ABCA13: variants seen among roughly 807,000 people sequenced by gnomAD.
ABCA13 encodes ATP-binding cassette sub-family A member 13.
ABCA13 carries 476 observed loss-of-function variants against 478.7 expected under a neutral mutation model. That is an observed-to-expected ratio of 0.99 (90% CI 0.92 to 1.07). ABCA13 has a LOEUF of 1.07. Ranked by LOEUF, ABCA13 falls within the 50% of genes least tolerant of loss-of-function variation. ABCA13 has a pLI of 0.00. For missense variants in ABCA13, 6,060 were observed against 5,910.6 expected (o/e 1.03, Z -0.83); for synonymous variants, 2,252 against 2,158.9 (o/e 1.04, Z -1.20).
intron 58 of ABCA13, among the ~76,000 whole-genome samples, chr7:48,607,164 G>A (rs1791557660): frequency 6.6e-6 from 1 of 152,184 alleles, no homozygotes; most frequent in Non-Finnish European, 1.5e-5. Flanking sequence ...GACCCGCTGA[G>A]CCAGGTGCCA....
intron 55 of ABCA13, among the ~76,000 whole-genome samples, chr7:48,559,483 T>C (rs879755511): frequency 6.6e-5 from 10 of 152,162 alleles, no homozygotes; most frequent in Non-Finnish European, 1.3e-4. Context: ...GCTTGGACTC[T>C]GATACCCTAA....
Position 48,275,548 on chromosome 7 carries a change from A to T in ABCA13, c.5882A>T (p.Asn1961Ile). 5.0e-6 allele frequency: 8 copies of T among 1,613,810 alleles called. No individual in the cohort carries two copies. The highest frequency in any genetic ancestry group is 6.8e-6 in the Non-Finnish European group (8 of 1,179,840). ...TTGCAAATCATAGAAAAACTTAAAA[A>T]TGTCAACTTTACAAAAGTTACATCA... ...VALQIIEKLK[N>I]VNFTKVTSGE... Residue 1961 changes from asparagine to isoleucine, a missense_variant, in exon 17 of 62, where the codon AAT becomes ATT. Coordinates refer to ENST00000435803, the MANE Select transcript of ABCA13 (RefSeq NM_152701.5).
At chr7:48,485,433 A>C (rs1829196532) in intron 47 of ABCA13, among the ~76,000 whole-genome samples, 1 of 152,176 alleles carries the variant, frequency 6.6e-6, no homozygotes, top group Non-Finnish European at 1.5e-5. Flanking sequence ...AGTTTTAGAA[A>C]ACCATTCTTG....
At chr7:48,467,266 C>T (rs547304713) in intron 44 of ABCA13, among the ~76,000 whole-genome samples, 36 of 152,222 alleles carry the variant, frequency 2.4e-4, no homozygotes, top group South Asian at 1.0e-3. Context: ...TTTCTCCCTT[C>T]GTACATGCAT....
intron 29 of ABCA13, among the ~76,000 whole-genome samples, chr7:48,349,682 C>A (rs1458906075): frequency 2.6e-5 from 4 of 152,170 alleles, no homozygotes; most frequent in African/African-American, 7.2e-5. Flanking sequence ...GCATGAGAGG[C>A]AGAGGCAGCT....
intron 56 of ABCA13, among the ~76,000 whole-genome samples, chr7:48,583,657 T>C (rs144699220): frequency 2.2e-3 from 338 of 152,334 alleles, no homozygotes; most frequent in Non-Finnish European, 3.6e-3. Flanking sequence ...GCCTGAAGTA[T>C]GGTACAATTT....
At chr7:48,228,595 A>G (rs1049320775) in intron 6 of ABCA13, among the ~76,000 whole-genome samples, 3 of 152,052 alleles carry the variant, frequency 2.0e-5, no homozygotes, top group Admixed American at 6.5e-5. Flanking sequence ...ATAGGGGAGG[A>G]GTGGACTGAA....
At chr7:48,594,933 T>C in intron 58 of ABCA13, 120 bp downstream of exon 58, 2 of 798,644 alleles carry the variant, frequency 2.5e-6, no homozygotes, top group Admixed American at 2.5e-5. Flanking sequence ...TACAACACAA[T>C]AATGGTGATA....
intron 55 of ABCA13, among the ~76,000 whole-genome samples, chr7:48,561,453 T>C (rs1438781660): frequency 6.6e-6 from 1 of 152,170 alleles, no homozygotes; most frequent in Non-Finnish European, 1.5e-5. Flanking sequence ...TAAAGCGATA[T>C]CTCATTGTGT....
chr7:48,398,202 C>T (rs1384540971), intron 38 of ABCA13, among the ~76,000 whole-genome samples: 1 of 152,108 alleles, frequency 6.6e-6, no homozygotes, highest in African/African-American at 2.4e-5. Flanking sequence ...TCATAGGTTA[C>T]CTATTGTAAT....
chr7:48,316,267 G>T (rs775003697), intron 26 of ABCA13, among the ~76,000 whole-genome samples: 1 of 152,068 alleles, frequency 6.6e-6, no homozygotes, highest in Non-Finnish European at 1.5e-5. Flanking sequence ...TTCTGCACGG[G>T]CTCATTAAAG....
At chr7:48,423,811 T>C (rs886718602) in intron 41 of ABCA13, among the ~76,000 whole-genome samples, 6 of 152,380 alleles carry the variant, frequency 3.9e-5, no homozygotes, top group Non-Finnish European at 8.8e-5. Context: ...TATTTTATTC[T>C]TATTTACTTT....
intron 29 of ABCA13, among the ~76,000 whole-genome samples, chr7:48,341,059 A>G (rs1424908770): frequency 2.0e-5 from 3 of 152,206 alleles, no homozygotes; most frequent in African/African-American, 4.8e-5. Flanking sequence ...TGCTCCCACT[A>G]TGGTAATATG....
At chr7:48,433,766 A>C (rs920648394) in intron 42 of ABCA13, among the ~76,000 whole-genome samples, 1 of 151,808 alleles carries the variant, frequency 6.6e-6, no homozygotes, top group Non-Finnish European at 1.5e-5. Flanking sequence ...ATGGTATCAT[A>C]CAGTATTTGC....
Position 48,350,809 on chromosome 7 carries a change from C to T in ABCA13, c.10371C>T (p.Ser3457=), listed in dbSNP as rs1489146361. 8.1e-6 allele frequency: 13 copies of T among 1,613,386 alleles called. No individual in the cohort carries two copies. Among genetic ancestry groups the T allele is most frequent in the Non-Finnish European group, 1.1e-5 (13 of 1,179,632 alleles). The stretch of plus-strand genomic sequence containing the variant: ...CACATGAACTCTTGCAGCAGAACAG[C>T]TTCTTGGCCAGTAAGTACTCAATGA... The part of the protein sequence containing the change: ...TKAHELLQQN[S]FLASIIFSNS... The change falls in exon 30 of 62, where the codon AGC becomes AGT. Residue 3457 remains serine, a synonymous_variant. Coordinates refer to ENST00000435803, the MANE Select transcript of ABCA13 (RefSeq NM_152701.5).
intron 31 of ABCA13, among the ~76,000 whole-genome samples, chr7:48,365,044 C>T (rs1811460852): frequency 6.6e-6 from 1 of 152,124 alleles, no homozygotes; most frequent in Admixed American, 6.6e-5. Context: ...TGTGGGTTTT[C>T]CCTTTTCTCC....
At chr7:48,225,135 G>GCCTGCCTGCCTGCCTTCCTT (rs1312566145) in intron 5 of ABCA13, among the ~76,000 whole-genome samples, 67 of 69,888 alleles carry the variant, frequency 9.6e-4, no homozygotes, top group African/African-American at 1.8e-3. Flanking sequence ...CTGCCTGCCT[G>GCCTGCCTGCCTGCCTTCCTT]CCTTCCTTCC....
chr7:48,303,349 A>G (rs1800427904), intron 23 of ABCA13, among the ~76,000 whole-genome samples: 2 of 151,830 alleles, frequency 1.3e-5, no homozygotes, highest in African/African-American at 2.4e-5. Flanking sequence ...ATTAGGTCCC[A>G]TTTTTCAATT....
intron 38 of ABCA13, among the ~76,000 whole-genome samples, chr7:48,397,931 T>C (rs776717485): frequency 6.6e-6 from 1 of 152,212 alleles, no homozygotes; most frequent in Non-Finnish European, 1.5e-5. Flanking sequence ...TTCACATTAT[T>C]GTCATAATCT....
Sources: gnomAD v4.1 joint callset for allele counts (sites outside exome capture counted in the v4.1 genomes callset) on GRCh38, gnomAD v4.1.1 for gene constraint, MANE v1.5 for transcripts, NCBI Gene and HGNC (gene_info 2026-07-23, HGNC 2026-07-21) for gene names.